CNDP1: variants seen among roughly 807,000 people sequenced by gnomAD.
CNDP1 encodes the protein carnosine dipeptidase 1.
Under a neutral mutation model 58.1 loss-of-function variants are expected in CNDP1, and 44 were observed. The ratio of observed to expected loss-of-function variants is 0.76; its 90% CI spans 0.60 to 0.97. The LOEUF (loss-of-function observed/expected upper bound fraction) is 0.97. Among genes scored for constraint, CNDP1 ranks in the 50% least tolerant of loss-of-function variants. The probability of loss-of-function intolerance (pLI) is 0.00; values close to 1 mark genes in which losing one functional copy is unlikely to be tolerated. For missense variants in CNDP1, 616 were observed against 655.1 expected (o/e 0.94, Z 0.65); for synonymous variants, 254 against 252.6 (o/e 1.01, Z -0.05).
At chr18:74,563,784 A>T (rs1163347662) in intron 5 of CNDP1, among the ~76,000 whole-genome samples, 1 of 152,208 alleles carries the variant, frequency 6.6e-6, no homozygotes, top group Non-Finnish European at 1.5e-5. Flanking sequence ...CATATTTCAC[A>T]GGTAGAGCAG....
Position 74,556,351 on chromosome 18 carries a change from T to C in CNDP1, c.38T>C (p.Leu13Pro). ...AAACCCTTCCAGGCTGCGTCCCTGCTGGCTGTGCTGCTGCTGCTGCTGGAG... is the reference window on the plus strand; with the variant it reads ...AAACCCTTCCAGGCTGCGTCCCTGCCGGCTGTGCTGCTGCTGCTGCTGGAG... ...PKLGRMAASL[L>P]AVLLLLLERG... The change falls in exon 2 of 12, where the codon CTG (leucine) becomes CCG (proline). Residue 13 changes from leucine (L) to proline (P), a missense_variant. Physicochemically the swap from Leu to Pro is moderately conservative, Grantham distance 98. Coordinates refer to ENST00000358821, the MANE Select transcript of CNDP1 (RefSeq NM_032649.6). The C allele has an allele frequency of 1.3e-6, 2 of 1,585,650 alleles. No homozygotes were observed. Among genetic ancestry groups the C allele is most frequent in the South Asian group, 1.1e-5 (1 of 89,588 alleles).
intron 1 of CNDP1, among the ~76,000 whole-genome samples, chr18:74,539,404 G>T (rs568078401): frequency 6.6e-6 from 1 of 152,314 alleles, no homozygotes; most frequent in East Asian, 1.9e-4. Flanking sequence ...AGGACTGCCA[G>T]GTGGGCTCTT....
At chr18:74,558,629 C>G (rs1202220901) in intron 2 of CNDP1, among the ~76,000 whole-genome samples, 1 of 152,028 alleles carries the variant, frequency 6.6e-6, no homozygotes, top group Non-Finnish European at 1.5e-5. Context: ...CTGCTGACCT[C>G]GTGATCTGCC....
chr18:74,583,514 G>A (rs1229528518), intron 10 of CNDP1, 47 bp from the exon 11 acceptor site: 2 of 1,544,580 alleles, frequency 1.3e-6, no homozygotes, highest in Admixed American at 3.4e-5. Context: ...CTTCCTGGGG[G>A]TGTTCTTGTC....
intron 1 of CNDP1, among the ~76,000 whole-genome samples, chr18:74,537,645 T>C (rs1350195567): frequency 6.6e-6 from 1 of 152,174 alleles, no homozygotes; most frequent in Non-Finnish European, 1.5e-5. Context: ...GAGGGGGCTC[T>C]GTGCTGTGGG....
intron 1 of CNDP1, among the ~76,000 whole-genome samples, chr18:74,550,456 G>GT (rs1353357610): frequency 6.6e-6 from 1 of 152,124 alleles, no homozygotes; most frequent in African/African-American, 2.4e-5. Flanking sequence ...TAAATAACTT[G>GT]TTTTGATTTT....
At chr18:74,566,719 T>C (rs1254071216) in intron 5 of CNDP1, among the ~76,000 whole-genome samples, 1 of 152,242 alleles carries the variant, frequency 6.6e-6, no homozygotes, top group Admixed American at 6.5e-5. Context: ...AGTTCCAAAC[T>C]TTCCACATTT....
chr18:74,559,553 G>C, intron 3 of CNDP1, 81 bp downstream of exon 3: 2 of 1,363,422 alleles, frequency 1.5e-6, no homozygotes, highest in Non-Finnish European at 2.0e-6. Context: ...CAAGGGAGAG[G>C]CTCACCCTGA....
At chr18:74,563,221 C>G (rs2144658929) in intron 5 of CNDP1, among the ~76,000 whole-genome samples, 1 of 152,284 alleles carries the variant, frequency 6.6e-6, no homozygotes, top group South Asian at 2.1e-4. Context: ...CAGAAGACAC[C>G]TCAGGAAATC....
chr18:74,546,765 C>T (rs977531527), intron 1 of CNDP1, among the ~76,000 whole-genome samples: 13 of 152,206 alleles, frequency 8.5e-5, no homozygotes, highest in Non-Finnish European at 1.8e-4. Flanking sequence ...CTCTGCTCAG[C>T]GTTCAAGGAG....
intron 1 of CNDP1, among the ~76,000 whole-genome samples, chr18:74,541,277 A>T (rs1426764477): frequency 1.3e-5 from 2 of 152,192 alleles, no homozygotes; most frequent in Non-Finnish European, 2.9e-5. Context: ...CTGCCAGGAA[A>T]GGCACAGTGA....
chr18:74,570,100 G>A (rs1465399694), intron 6 of CNDP1, among the ~76,000 whole-genome samples: 2 of 150,552 alleles, frequency 1.3e-5, no homozygotes, highest in Non-Finnish European at 3.0e-5. Context: ...TTGGGAGGCT[G>A]AGGCAGAAGA....
chr18:74,542,215 C>A (rs1162418675), intron 1 of CNDP1, among the ~76,000 whole-genome samples: 3 of 152,244 alleles, frequency 2.0e-5, no homozygotes, highest in Non-Finnish European at 4.4e-5. Flanking sequence ...CTTGTCCCTG[C>A]TGACAGGGTG....
intron 1 of CNDP1, among the ~76,000 whole-genome samples, chr18:74,547,407 T>TGG (rs1373245459): frequency 6.6e-6 from 1 of 152,196 alleles, no homozygotes; most frequent in Non-Finnish European, 1.5e-5. Flanking sequence ...TGAGGCTTTG[T>TGG]GGGGGGTGGA....
At chr18:74,542,716 T>C (rs62099905) in intron 1 of CNDP1, among the ~76,000 whole-genome samples, 29,598 of 152,234 alleles carry the variant, frequency 0.19, 3,008 homozygotes, top group Middle Eastern at 0.28. Context: ...ATTTCGCTTA[T>C]GTAGAGACAG....
At chr18:74,534,776 G>A in intron 1 of CNDP1, 85 bp downstream of exon 1, 1 of 1,518,632 alleles carries the variant, frequency 6.6e-7, no homozygotes, top group Non-Finnish European at 9.1e-7. Flanking sequence ...AAGCCCAGTT[G>A]GGCAGGGCAG....
In CNDP1 at chr18:74,539,412, C is replaced by T. The variant is rs140702649; in HGVS notation, c.24+4721C>T. Reference sequence around the variant, plus strand: ...AGGATGCAGGACTGCCAGGTGGGCTCTTTCCCAGCTCCCGGAGGCTTCCTC... The same window carrying T: ...AGGATGCAGGACTGCCAGGTGGGCTTTTTCCCAGCTCCCGGAGGCTTCCTC... On this transcript the variant is annotated intron_variant, in intron 1 of 11. Transcript: ENST00000358821. Among the ~76,000 whole-genome samples, 320 of 152,338 alleles carry T rather than the reference C, an allele frequency of 2.1e-3. 5 individuals carry two copies. The highest frequency in any genetic ancestry group is 6.8e-3 in the Middle Eastern group (2 of 294).
intron 1 of CNDP1, among the ~76,000 whole-genome samples, chr18:74,548,381 G>T (rs1402912035): frequency 6.6e-6 from 1 of 152,090 alleles, no homozygotes; most frequent in East Asian, 1.9e-4. Context: ...TCACATTCTT[G>T]CCATGTGAGG....
At chr18:74,548,308 A>G (rs988997764) in intron 1 of CNDP1, among the ~76,000 whole-genome samples, 1 of 152,018 alleles carries the variant, frequency 6.6e-6, no homozygotes, top group African/African-American at 2.4e-5. Context: ...CTGTCCTCAC[A>G]ATAGTGAGTG....
Sources: gnomAD v4.1 joint callset for allele counts (sites outside exome capture counted in the v4.1 genomes callset) on GRCh38, gnomAD v4.1.1 for gene constraint, MANE v1.5 for transcripts, NCBI Gene and HGNC (gene_info 2026-07-23, HGNC 2026-07-21) for gene names.